Variants in ABCA1 observed in about 807,000 individuals in gnomAD.
ABCA1 encodes the protein ATP binding cassette subfamily A member 1, also known as phospholipid-transporting ATPase ABCA1.
Under a neutral mutation model 262.5 loss-of-function variants are expected in ABCA1, and 133 were observed. The observed-to-expected ratio is 0.51, with a 90% confidence interval of 0.44 to 0.59. ABCA1 has a LOEUF of 0.59. ABCA1 is among the 20% of genes least tolerant of loss of function. ABCA1 has a pLI of 0.00. For synonymous variants in ABCA1, 1,022 were observed against 1,043.5 expected (o/e 0.98, Z 0.40); for missense variants, 2,452 against 2,777.5 (o/e 0.88, Z 2.63).
intron 2 of ABCA1, among the ~76,000 whole-genome samples, chr9:104,890,262 T>C (rs1429240386): frequency 6.6e-6 from 1 of 152,204 alleles, no homozygotes; most frequent in African/African-American, 2.4e-5. Flanking sequence ...ATAAAATCCC[T>C]TTTTGTCTTC....
intron 29 of ABCA1, among the ~76,000 whole-genome samples, chr9:104,809,784 T>G (rs943145212): frequency 2.0e-5 from 3 of 152,140 alleles, no homozygotes; most frequent in Non-Finnish European, 4.4e-5. Flanking sequence ...GGAGCTTGTT[T>G]TAAATGGGCT....
rs1422731812 is a variant in ABCA1 at position 104,791,003 on chromosome 9, C to CCCAGGAGCCCAAAG, written c.5845_5846insCTTTGGGCTCCTGG (p.Gly1949AlafsTer16). On this transcript the variant is annotated frameshift_variant, in exon 44 of 50. Coordinates refer to ENST00000374736, the MANE Select transcript of ABCA1 (RefSeq NM_005502.4). LOFTEE classifies it high-confidence loss of function. ...CTTGAAAGTTGATGATTTTCCAGCC[C>CCCAGGAGCCCAAAG]CATTAACTCCCAGGAGCCCAAAGCA... 6.2e-7 allele frequency: 1 copy of CCCAGGAGCCCAAAG among 1,613,600 alleles called. No homozygotes were observed. The highest frequency in any genetic ancestry group is 8.5e-7 in the Non-Finnish European group (1 of 1,179,784).
At chr9:104,901,420 C>A (rs989070314) in intron 2 of ABCA1, among the ~76,000 whole-genome samples, 3 of 152,056 alleles carry the variant, frequency 2.0e-5, no homozygotes, top group Admixed American at 2.0e-4. Flanking sequence ...CTTTCATTGC[C>A]AACATGATAT....
At chr9:104,858,405 C>G in intron 7 of ABCA1, 117 bp downstream of exon 7, 1 of 1,153,562 alleles carries the variant, frequency 8.7e-7, no homozygotes, top group South Asian at 1.2e-5. Context: ...TAAATTATAT[C>G]ACAAACTCCC....
At position 104,792,167 on chromosome 9, in the gene ABCA1, C is replaced by T. The variant is rs13306081; in HGVS notation, c.5758-169G>A. On this transcript the variant is annotated intron_variant, in intron 42 of 49. Transcript: ENST00000374736. ...CAAGAGCCTTGGTCTGCGTTTGTGGCGACTGGCTTCTGAATGATTCTGAAG... is the reference window on the plus strand; with the variant it reads ...CAAGAGCCTTGGTCTGCGTTTGTGGTGACTGGCTTCTGAATGATTCTGAAG... 1.8e-3 allele frequency among the ~76,000 whole-genome samples: 281 copies of T among 152,296 alleles called. 4 individuals are homozygous for T. In the South Asian group the frequency reaches 0.026, roughly 14 times the overall value.
Position 104,784,165 on chromosome 9 carries a change from G to A in ABCA1, c.*150C>T. On this transcript the variant is annotated 3_prime_UTR_variant, in exon 50 of 50. Transcript: ENST00000374736. The stretch of plus-strand genomic sequence containing the variant: ...AATGGAATTTTGTTTTCATTGCATT[G>A]AATTGCATTGCATTGAATAGTATCA... 3 of 998,088 alleles carry A rather than the reference G, an allele frequency of 3.0e-6. No individual in the cohort carries two copies. The highest frequency in any genetic ancestry group is 4.5e-6 in the Non-Finnish European group (3 of 665,042). 61.8% of individuals were successfully genotyped at this position (998,088 alleles called of 1,614,324 possible).
intron 28 of ABCA1, 127 bp from the exon 29 acceptor site, chr9:104,811,051 G>T: frequency 7.2e-7 from 1 of 1,387,642 alleles, no homozygotes; most frequent in Non-Finnish European, 1.0e-6. Flanking sequence ...AATGAGGAAT[G>T]CAGGGCCTAT....
At chr9:104,901,987 A>G (rs1840705324) in intron 2 of ABCA1, among the ~76,000 whole-genome samples, 1 of 152,120 alleles carries the variant, frequency 6.6e-6, no homozygotes, top group Non-Finnish European at 1.5e-5. Context: ...ATACTTTACA[A>G]TTATTATTAA....
At position 104,789,311 on chromosome 9, in the gene ABCA1, T is replaced by C. The variant is rs575787212; in HGVS notation, c.5928-744A>G. Among the ~76,000 whole-genome samples, 24 of 152,334 alleles carry C rather than the reference T, an allele frequency of 1.6e-4. 1 individual carries two copies. The South Asian group carries it at 5.0e-3, about 32-fold the overall frequency. ...GACAAACCTTACTATGGGCTGGTTA[T>C]TACTGCCACTGCTATATGCGTCAGG... is the stretch of plus-strand genomic sequence containing the variant. On this transcript the variant is annotated intron_variant, in intron 44 of 49. Coordinates refer to ENST00000374736, the MANE Select transcript of ABCA1 (RefSeq NM_005502.4).
intron 27 of ABCA1, 42 bp downstream of exon 27, chr9:104,814,076 C>T: frequency 6.3e-7 from 1 of 1,588,900 alleles, no homozygotes; most frequent in Non-Finnish European, 8.6e-7. Context: ...GAGAATTTCA[C>T]ATTCAAACAG....
At chr9:104,811,023 C>T (rs1400509038) in intron 28 of ABCA1, 99 bp from the exon 29 acceptor site, 1 of 1,555,084 alleles carries the variant, frequency 6.4e-7, no homozygotes, top group African/African-American at 1.4e-5. Context: ...GCCCACCTCC[C>T]CGACCAACCA....
chr9:104,799,596 C>T (rs934054498), intron 36 of ABCA1: 43 of 985,152 alleles, frequency 4.4e-5, no homozygotes, highest in African/African-American at 3.7e-4. Flanking sequence ...CTAAATGTTA[C>T]GATTTTTACA....
intron 12 of ABCA1, 83 bp downstream of exon 12, chr9:104,832,491 T>C: frequency 7.0e-7 from 1 of 1,421,138 alleles, no homozygotes; most frequent in Non-Finnish European, 9.8e-7. Context: ...TTTCTAAACT[T>C]GCCTCCTGCC....
intron 5 of ABCA1, among the ~76,000 whole-genome samples, chr9:104,863,739 C>T (rs1836832180): frequency 6.6e-6 from 1 of 152,248 alleles, no homozygotes; most frequent in African/African-American, 2.4e-5. Flanking sequence ...TTCCTCATGA[C>T]AGCCAGTAGC....
Position 104,884,352 on chromosome 9 carries a change from A to G in ABCA1, c.302+75T>C, listed in dbSNP as rs561110963. On this transcript the variant is annotated intron_variant, in intron 4 of 49. Transcript: ENST00000374736. Reference sequence around the variant, plus strand: ...CTTCACTTAAATCCAGCCATTCAAAATTCTCCAGAGGACAAGAAAGGAAGG... The same window carrying G: ...CTTCACTTAAATCCAGCCATTCAAAGTTCTCCAGAGGACAAGAAAGGAAGG... 5.4e-5 allele frequency: 86 copies of G among 1,587,824 alleles called. No individual in the cohort carries two copies. In the African/African-American group the frequency reaches 1.0e-3, roughly 19 times the overall value.
At chr9:104,808,713 G>A (rs1166775198) in intron 30 of ABCA1, among the ~76,000 whole-genome samples, 1 of 152,176 alleles carries the variant, frequency 6.6e-6, no homozygotes, top group Non-Finnish European at 1.5e-5. Flanking sequence ...TGAAAGTCAA[G>A]TTTGCCCCCT....
At chr9:104,822,474 G>C (rs372455979) in intron 19 of ABCA1, 22 bp downstream of exon 19, 1 of 1,612,510 alleles carries the variant, frequency 6.2e-7, no homozygotes, top group African/African-American at 1.3e-5. Context: ...CTGATTCTGC[G>C]GGAACCACAC....
intron 15 of ABCA1, 142 bp downstream of exon 15, chr9:104,828,774 A>T (rs1398242436): frequency 1.0e-6 from 1 of 977,938 alleles, no homozygotes; most frequent in Non-Finnish European, 1.6e-6. Flanking sequence ...CCCCAACTAT[A>T]AATGGATGAA....
intron 39 of ABCA1, 35 bp from the exon 40 acceptor site, chr9:104,794,545 G>A (rs754890691): frequency 4.4e-6 from 7 of 1,592,736 alleles, no homozygotes; most frequent in Non-Finnish European, 6.0e-6. Context: ...AGGGAAGGGA[G>A]GGTGAGGGAG....
Sources: allele counts gnomAD v4.1 joint callset (sites outside exome capture counted in the v4.1 genomes callset), GRCh38; gene constraint gnomAD v4.1.1; transcripts MANE v1.5; gene names NCBI Gene and HGNC (gene_info 2026-07-23, HGNC 2026-07-21).